The following KDM3A variants were observed in gnomAD, a reference collection of about 807,000 sequenced individuals.
KDM3A encodes the protein lysine-specific demethylase 3A.
In KDM3A, 60 loss-of-function variants were observed where a neutral mutation model predicts 158.0. The ratio of observed to expected loss-of-function variants is 0.38; its 90% confidence interval spans 0.31 to 0.47. The LOEUF is 0.47. KDM3A is among the 20% of genes least tolerant of loss of function. KDM3A has a pLI of 0.99. For missense variants in KDM3A, 1,319 were observed against 1,574.3 expected (o/e 0.84, Z 2.74); for synonymous variants, 608 against 549.3 (o/e 1.11, Z -1.49).
At chr2:86,488,992 T>C (rs530642192) in intron 21 of KDM3A, 182 of 253,884 alleles carry the variant, frequency 7.2e-4, no homozygotes, top group African/African-American at 4.1e-3. Context: ...GTCCTTGGGC[T>C]TTGTCTCTTG....
Position 86,442,245 on chromosome 2 carries a change from T to C in KDM3A, c.186+12T>C. 1 of 1,588,366 alleles carries C rather than the reference T, an allele frequency of 6.3e-7. No homozygotes were observed. The highest frequency in any genetic ancestry group is 8.6e-7 in the Non-Finnish European group (1 of 1,162,642). On this transcript the variant is annotated intron_variant, in intron 2 of 25. Coordinates refer to ENST00000312912, the MANE Select transcript of KDM3A (RefSeq NM_018433.6). Reference sequence around the variant, plus strand: ...AGAAGGATCTGAAGGTACAGGCGGCTCCGGGCCTCTGCCACCGGACGTTTC... The same window carrying C: ...AGAAGGATCTGAAGGTACAGGCGGCCCCGGGCCTCTGCCACCGGACGTTTC...
chr2:86,478,761 A>C, intron 15 of KDM3A, 26 bp downstream of exon 15: 1 of 1,606,630 alleles, frequency 6.2e-7, no homozygotes, highest in Non-Finnish European at 8.5e-7. Context: ...GTTAAATTCA[A>C]CATCTCTTGT....
rs373839165 is a variant in KDM3A at position 86,472,756 on chromosome 2, A to G, written c.1725-2020A>G. Among the ~76,000 whole-genome samples the G allele has an allele frequency of 3.8e-4, 58 of 152,310 alleles. 1 individual carries two copies. Among genetic ancestry groups the G allele is most frequent in the African/African-American group, 1.3e-3 (53 of 41,570 alleles). Reference sequence around the variant, plus strand: ...CTGCCTAGCAAAGTCAAGGTCCCCAATGAAATACTGAAGGCTTTCAGCAGT... The same window carrying G: ...CTGCCTAGCAAAGTCAAGGTCCCCAGTGAAATACTGAAGGCTTTCAGCAGT... On this transcript the variant is annotated intron_variant, in intron 11 of 25. Transcript: ENST00000312912.
intron 5 of KDM3A, among the ~76,000 whole-genome samples, chr2:86,455,776 C>T (rs909499407): frequency 3.3e-5 from 5 of 151,244 alleles, no homozygotes; most frequent in East Asian, 3.9e-4. Context: ...CACAGGGAGA[C>T]GTCGATCTCT....
At chr2:86,488,477 T>C (rs1674294442) in intron 21 of KDM3A, 1 of 152,214 alleles carries the variant, frequency 6.6e-6, no homozygotes, top group Non-Finnish European at 1.5e-5. Context: ...GAAAGGAAAG[T>C]ACAACAGGGC....
At chr2:86,474,007 G>T (rs951422263) in intron 11 of KDM3A, among the ~76,000 whole-genome samples, 1 of 152,090 alleles carries the variant, frequency 6.6e-6, no homozygotes, top group Non-Finnish European at 1.5e-5. Context: ...ACTATCTAGG[G>T]GTTACCCTTC....
intron 23 of KDM3A, 99 bp downstream of exon 23, chr2:86,489,758 C>A: frequency 7.4e-7 from 1 of 1,355,772 alleles, no homozygotes; most frequent in Non-Finnish European, 1.0e-6. Context: ...GGAATTGTCA[C>A]AACCTGAAAA....
intron 2 of KDM3A, among the ~76,000 whole-genome samples, chr2:86,446,902 C>T (rs904149261): frequency 2.6e-5 from 4 of 152,174 alleles, no homozygotes; most frequent in African/African-American, 9.7e-5. Context: ...GCCTCAACTT[C>T]CTTGGCTCAA....
intron 11 of KDM3A, among the ~76,000 whole-genome samples, chr2:86,474,339 C>G (rs2104682629): frequency 6.6e-6 from 1 of 152,158 alleles, no homozygotes; most frequent in African/African-American, 2.4e-5. Flanking sequence ...TTACAGAAAA[C>G]TAGGAAGGAC....
intron 2 of KDM3A, among the ~76,000 whole-genome samples, chr2:86,445,195 T>C (rs1294288941): frequency 6.6e-6 from 1 of 152,054 alleles, no homozygotes; most frequent in Non-Finnish European, 1.5e-5. Flanking sequence ...CTGCTTGGCA[T>C]GTAGTGTGTG....
chr2:86,477,836 C>A, intron 12 of KDM3A, 41 bp from the exon 13 acceptor site: 1 of 1,543,508 alleles, frequency 6.5e-7, no homozygotes, highest in Non-Finnish European at 8.7e-7. Context: ...TTTCAGAAGC[C>A]CTCTCCTTCC....
At chr2:86,451,030 A>G in intron 3 of KDM3A, 73 bp from the exon 4 acceptor site, 1 of 982,616 alleles carries the variant, frequency 1.0e-6, no homozygotes, top group Non-Finnish European at 1.5e-6. Flanking sequence ...CTGTGTGTGG[A>G]AAATTGCCAG....
At chr2:86,465,956 AAGAAG>A (rs1414228881) in intron 9 of KDM3A, among the ~76,000 whole-genome samples, 1 of 147,124 alleles carries the variant, frequency 6.8e-6, no homozygotes, top group Non-Finnish European at 1.5e-5. Context: ...AAAAAAAAAA[AAGAAG>A]AAAGAAAACT....
Position 86,492,174 on chromosome 2 carries a change from G to A in KDM3A, c.*55G>A. ...GCAGCTGTTCAAACTCTTCAGGCAGGATTCCTGTGGACTTTGAGATTCATG... is the reference window on the plus strand; with the variant it reads ...GCAGCTGTTCAAACTCTTCAGGCAGAATTCCTGTGGACTTTGAGATTCATG... On this transcript the variant is annotated 3_prime_UTR_variant, in exon 26 of 26. Transcript: ENST00000312912. 7.7e-7 allele frequency: 1 copy of A among 1,296,418 alleles called. No homozygotes were observed. Among genetic ancestry groups the A allele is most frequent in the Non-Finnish European group, 1.1e-6 (1 of 897,602 alleles). The allele number at this position is 1,296,418 out of a possible 1,614,324, so 80.3% of individuals were successfully genotyped here.
Position 86,492,423 on chromosome 2 carries a change from T to C in KDM3A, c.*304T>C, listed in dbSNP as rs1409659967. 1.1e-5 allele frequency: 3 copies of C among 284,908 alleles called. No homozygotes were observed. In the Admixed American group the frequency reaches 1.5e-4, roughly 14 times the overall value. The allele number at this position is 284,908 out of a possible 1,614,324, so 17.6% of individuals were successfully genotyped here. ...TACCTGCAGTTATTCTTCAGCTGTT[T>C]GGACAACTTAGATTGGGTTTATAAC... On this transcript the variant is annotated 3_prime_UTR_variant, in exon 26 of 26. Coordinates refer to ENST00000312912, the MANE Select transcript of KDM3A (RefSeq NM_018433.6).
At chr2:86,470,606 A>G (rs1405866312) in intron 11 of KDM3A, among the ~76,000 whole-genome samples, 198 bp downstream of exon 11, 3 of 152,166 alleles carry the variant, frequency 2.0e-5, no homozygotes, top group Non-Finnish European at 4.4e-5. Flanking sequence ...TTTTTTTTAA[A>G]GTAACAAAGC....
At position 86,470,163 on chromosome 2, in the gene KDM3A, A is replaced by G. The variant is rs1446951527; in HGVS notation, c.1520-41A>G. 2.6e-6 allele frequency: 4 copies of G among 1,563,826 alleles called. No homozygotes were observed. The African/African-American group carries it at 4.1e-5, about 16-fold the overall frequency. ...CAGTCATATATGAATGTGATTTTTA[A>G]AAATTTGAGGTCCTGTCTCCTTAAT... On this transcript the variant is annotated intron_variant, in intron 10 of 25. Coordinates refer to ENST00000312912, the MANE Select transcript of KDM3A (RefSeq NM_018433.6).
At chr2:86,450,683 G>A (rs1310349895) in intron 3 of KDM3A, among the ~76,000 whole-genome samples, 1 of 152,138 alleles carries the variant, frequency 6.6e-6, no homozygotes, top group Non-Finnish European at 1.5e-5. Flanking sequence ...ATCTGATTTT[G>A]CCCATGAGTG....
chr2:86,470,118 T>C (rs1673332317), intron 10 of KDM3A, 86 bp from the exon 11 acceptor site: 26 of 1,083,942 alleles, frequency 2.4e-5, no homozygotes, highest in Non-Finnish European at 3.5e-5. Flanking sequence ...TAAGGGAATA[T>C]TGGGTTTTTG....
Sources: allele counts gnomAD v4.1 joint callset (sites outside exome capture counted in the v4.1 genomes callset), GRCh38; gene constraint gnomAD v4.1.1; transcripts MANE v1.5; gene names NCBI Gene and HGNC (gene_info 2026-07-23, HGNC 2026-07-21).